The following PTPRD variants were observed in gnomAD, a reference collection of about 807,000 sequenced individuals.
PTPRD encodes the protein protein tyrosine phosphatase receptor type D.
A neutral mutation model predicts 214.5 loss-of-function variants in PTPRD; 34 were observed. The ratio of observed to expected loss-of-function variants is 0.16; its 90% CI spans 0.12 to 0.21. PTPRD has a LOEUF of 0.21. Among genes scored for constraint, PTPRD ranks in the 10% least tolerant of loss-of-function variants. The probability of loss-of-function intolerance (pLI) is 1.00; values close to 1 mark genes in which losing one functional copy is unlikely to be tolerated. For synonymous variants in PTPRD, 1,128 were observed against 845.7 expected (o/e 1.33, Z -5.79); for missense variants, 2,545 against 2,398.7 (o/e 1.06, Z -1.27).
intron 4 of PTPRD, among the ~76,000 whole-genome samples, chr9:9,976,148 T>C (rs1383495108): frequency 6.6e-6 from 1 of 152,186 alleles, no homozygotes; most frequent in African/African-American, 2.4e-5. Flanking sequence ...CATCCATTTG[T>C]AATTTATCTG....
At chr9:9,145,935 A>G (rs904357245) in intron 10 of PTPRD, among the ~76,000 whole-genome samples, 8 of 152,240 alleles carry the variant, frequency 5.3e-5, no homozygotes, top group Non-Finnish European at 1.0e-4. Flanking sequence ...CAGCCCAAGG[A>G]AAAACACTCT....
intron 9 of PTPRD, among the ~76,000 whole-genome samples, chr9:9,247,217 G>A (rs978711194): frequency 2.0e-5 from 3 of 151,914 alleles, no homozygotes; most frequent in African/African-American, 7.3e-5. Context: ...CTATACCTGG[G>A]AAGAAGGAAG....
At chr9:8,811,234 T>C (rs1302744647) in intron 11 of PTPRD, among the ~76,000 whole-genome samples, 1 of 152,096 alleles carries the variant, frequency 6.6e-6, no homozygotes, top group Non-Finnish European at 1.5e-5. Context: ...GAGAGAACCC[T>C]TCCCGACAAC....
chr9:9,874,963 C>A (rs1421150743), intron 5 of PTPRD, among the ~76,000 whole-genome samples: 1 of 152,076 alleles, frequency 6.6e-6, no homozygotes, highest in African/African-American at 2.4e-5. Context: ...AATTTCTGAG[C>A]TTTTGTCCAA....
intron 14 of PTPRD, among the ~76,000 whole-genome samples, chr9:8,600,805 C>T (rs758591724): frequency 6.6e-6 from 1 of 152,006 alleles, no homozygotes; most frequent in South Asian, 2.1e-4. Context: ...CAAACACATG[C>T]TGGTTTCAGG....
At chr9:9,835,301 T>C (rs1039351559) in intron 5 of PTPRD, among the ~76,000 whole-genome samples, 2 of 152,098 alleles carry the variant, frequency 1.3e-5, no homozygotes, top group African/African-American at 4.8e-5. Context: ...AGACTTTTTT[T>C]TACATTTTGG....
chr9:9,954,219 C>A (rs1223206713), intron 4 of PTPRD, among the ~76,000 whole-genome samples: 2 of 139,552 alleles, frequency 1.4e-5, no homozygotes. Context: ...TCGCTTGAAC[C>A]TGGGAGGAGG....
chr9:10,158,038 T>G (rs747348563), intron 3 of PTPRD, among the ~76,000 whole-genome samples: 14 of 151,704 alleles, frequency 9.2e-5, no homozygotes, highest in Non-Finnish European at 1.6e-4. Flanking sequence ...TGACAGAGTC[T>G]CACCCTGTTG....
At chr9:9,346,718 G>C (rs1373635579) in intron 9 of PTPRD, among the ~76,000 whole-genome samples, 2 of 151,550 alleles carry the variant, frequency 1.3e-5, no homozygotes, top group Non-Finnish European at 2.9e-5. Context: ...TTTAGACAGA[G>C]TTTTGCTCTT....
chr9:8,481,885 C>T (rs1320859680), intron 30 of PTPRD, among the ~76,000 whole-genome samples: 3 of 152,252 alleles, frequency 2.0e-5, no homozygotes, highest in East Asian at 3.9e-4. Context: ...CAGGTTCAAG[C>T]GATTCTCCCG....
chr9:10,123,471 A>G (rs2098792466), intron 3 of PTPRD, among the ~76,000 whole-genome samples: 1 of 152,216 alleles, frequency 6.6e-6, no homozygotes, highest in African/African-American at 2.4e-5. Context: ...AAACCAGTGA[A>G]GAAATGTCTT....
intron 10 of PTPRD, among the ~76,000 whole-genome samples, chr9:9,136,703 C>T (rs2099851472): frequency 6.6e-6 from 1 of 152,134 alleles, no homozygotes; most frequent in Admixed American, 6.6e-5. Context: ...AGCAGTTTAT[C>T]TGTATGTATT....
intron 4 of PTPRD, among the ~76,000 whole-genome samples, chr9:9,973,662 C>T (rs780453483): frequency 1.5e-4 from 23 of 152,120 alleles, no homozygotes; most frequent in African/African-American, 5.1e-4. Flanking sequence ...CACAGATAGA[C>T]GAGTCTAAAG....
chr9:8,706,816 G>T (rs990571480), intron 12 of PTPRD, among the ~76,000 whole-genome samples: 1 of 152,212 alleles, frequency 6.6e-6, no homozygotes, highest in Non-Finnish European at 1.5e-5. Context: ...ACCACAGCCA[G>T]GTTGGGATTG....
In PTPRD at chr9:8,745,809, TCTC is replaced by T. The variant is rs1426930537; in HGVS notation, c.-103-11866_-103-11864del. Among the ~76,000 whole-genome samples, 14 of 152,112 alleles carry T rather than the reference TCTC, an allele frequency of 9.2e-5. No individual in the cohort carries two copies. The East Asian group carries it at 2.7e-3, about 29-fold the overall frequency. ...TTCTCTCTCTCTCTCTCTCTCTCTC[TCTC>T]TTTTAGATAGGGTCTTGTTCTGTCG... is the stretch of plus-strand genomic sequence containing the variant. On this transcript the variant is annotated intron_variant, in intron 11 of 45. Transcript: ENST00000381196.
At chr9:9,514,621 A>G (rs1479822300) in intron 8 of PTPRD, among the ~76,000 whole-genome samples, 1 of 152,110 alleles carries the variant, frequency 6.6e-6, no homozygotes, top group Non-Finnish European at 1.5e-5. Context: ...AAATTGTCAC[A>G]TCATATTCTT....
chr9:10,490,349 G>C (rs368834382), intron 2 of PTPRD, among the ~76,000 whole-genome samples: 1 of 151,998 alleles, frequency 6.6e-6, no homozygotes, highest in African/African-American at 2.4e-5. Context: ...CCAACAATAA[G>C]ATGAAAGAAA....
chr9:8,741,009 G>A (rs1266908829), intron 11 of PTPRD, among the ~76,000 whole-genome samples: 2 of 152,072 alleles, frequency 1.3e-5, no homozygotes, highest in Non-Finnish European at 2.9e-5. Flanking sequence ...CTATTATTCT[G>A]AGCTTTTTCT....
chr9:9,721,932 A>T (rs1248712853), intron 7 of PTPRD, among the ~76,000 whole-genome samples: 2 of 152,094 alleles, frequency 1.3e-5, no homozygotes, highest in Non-Finnish European at 2.9e-5. Flanking sequence ...ATACCAGGCA[A>T]GGCTTTTGTA....
Sources: gnomAD v4.1 joint callset for allele counts (sites outside exome capture counted in the v4.1 genomes callset) on GRCh38, gnomAD v4.1.1 for gene constraint, MANE v1.5 for transcripts, NCBI Gene and HGNC (gene_info 2026-07-23, HGNC 2026-07-21) for gene names.